IHO1: variants seen among roughly 807,000 people sequenced by gnomAD.
IHO1 encodes interactor of HORMAD1 1, also known as interactor of HORMAD1 protein 1.
Under a neutral mutation model 31.0 loss-of-function variants are expected in IHO1, and 13 were observed. That is an observed-to-expected ratio of 0.42 (90% CI 0.27 to 0.67). The LOEUF is 0.67. IHO1 is among the 30% of genes least tolerant of loss of function. IHO1 has a pLI of 0.24. For missense variants in IHO1, 599 were observed against 687.5 expected (o/e 0.87, Z 1.44); for synonymous variants, 221 against 248.4 (o/e 0.89, Z 1.04).
chr3:49,252,976 G>C (rs572307013), intron 6 of IHO1, among the ~76,000 whole-genome samples: 6 of 151,778 alleles, frequency 4.0e-5, no homozygotes, highest in Non-Finnish European at 7.4e-5. Context: ...CAGAGGCAGA[G>C]GTTGCAGTGA....
At chr3:49,191,877 G>T in the IHO1 span, 2 of 1,110,954 alleles carry the variant, frequency 1.8e-6, no homozygotes, top group South Asian at 1.3e-5. Context: ...TTAGTGACAA[G>T]GGAAGGTTGT....
At chr3:49,229,282 G>C (rs1303127010) in intron 2 of IHO1, among the ~76,000 whole-genome samples, 2 of 152,222 alleles carry the variant, frequency 1.3e-5, no homozygotes, top group African/African-American at 4.8e-5. Flanking sequence ...AAAGCTGTGA[G>C]CCTTCTGCCT....
chr3:49,256,145 G>T lies in IHO1; in HGVS notation c.648G>T (p.Glu216Asp). 1 of 1,609,210 alleles carries T rather than the reference G, an allele frequency of 6.2e-7. No individual in the cohort carries two copies. Reference protein sequence around the residue: ...MKKRFEARQGEFIEMKSNLKH... With the variant: ...MKKRFEARQGDFIEMKSNLKH... ...GCCTCTCTCCCCAGAGACAAGGAGA[G>T]TTTATAGAAATGAAGTCCAACCTGA... The change falls in exon 8 of 8, where the codon GAG becomes GAT. Residue 216 changes from glutamate (E) to aspartate (D), a missense_variant. Physicochemically the swap from Glu to Asp is conservative, Grantham distance 45. Coordinates refer to ENST00000452691, the MANE Select transcript of IHO1 (RefSeq NM_001135197.2). The surrounding 1 kb of genome is among the most constrained non-coding windows in gnomAD (Gnocchi z 4.6).
intron 2 of IHO1, 42 bp downstream of exon 2, chr3:49,211,878 T>C (rs2046221254): frequency 8.3e-7 from 1 of 1,210,640 alleles, no homozygotes; most frequent in Admixed American, 1.7e-5. Flanking sequence ...AAGAGGATTT[T>C]CTGGCCGGGC....
intron 2 of IHO1, among the ~76,000 whole-genome samples, chr3:49,224,047 C>T (rs1195475462): frequency 6.6e-6 from 1 of 152,090 alleles, no homozygotes; most frequent in Non-Finnish European, 1.5e-5. Context: ...GGGATTTGGC[C>T]ATTTGATGAG....
intron 2 of IHO1, among the ~76,000 whole-genome samples, chr3:49,218,685 T>G (rs913160460): frequency 6.6e-6 from 1 of 152,126 alleles, no homozygotes; most frequent in Admixed American, 6.5e-5. Context: ...TGGCTGCAGT[T>G]ATACCTTTTT....
intron 1 of IHO1, among the ~76,000 whole-genome samples, chr3:49,201,468 CA>C (rs1428511024): frequency 1.3e-5 from 2 of 151,908 alleles, no homozygotes; most frequent in African/African-American, 4.8e-5. Context: ...ACTAAAAATA[CA>C]AAAATTAGCC....
At chr3:49,205,953 T>C (rs766338313) in intron 1 of IHO1, among the ~76,000 whole-genome samples, 4 of 150,808 alleles carry the variant, frequency 2.7e-5, no homozygotes, top group Non-Finnish European at 4.4e-5. Context: ...TATTTTTTTT[T>C]CTTTTCTTTC....
chr3:49,197,139 G>A (rs2046003498), upstream of IHO1, among the ~76,000 whole-genome samples: 1 of 131,728 alleles, frequency 7.6e-6, no homozygotes, highest in South Asian at 3.0e-4. Flanking sequence ...TGCCACCACA[G>A]CCGGCTAATT....
At chr3:49,254,387 G>C (rs1194070905) in intron 6 of IHO1, among the ~76,000 whole-genome samples, 1 of 152,062 alleles carries the variant, frequency 6.6e-6, no homozygotes, top group African/African-American at 2.4e-5. Flanking sequence ...AAGTCTATTT[G>C]GGTCCAAGTG....
rs527238378 is a variant in IHO1, at chr3:49,201,601, C to T, written c.-16+2028C>T. Reference sequence around the variant, plus strand: ...TCGCGCCACTCCACTCCAGGCTGGTCGACAAAGCGAGACTGCATCCCAAAA... The same window carrying T: ...TCGCGCCACTCCACTCCAGGCTGGTTGACAAAGCGAGACTGCATCCCAAAA... On this transcript the variant is annotated intron_variant, in intron 1 of 7. Transcript: ENST00000452691. Among the ~76,000 whole-genome samples the T allele has an allele frequency of 8.6e-5, 13 of 151,390 alleles. No homozygotes were observed. The South Asian group carries it at 1.7e-3, about 20-fold the overall frequency.
intron 7 of IHO1, 152 bp from the exon 8 acceptor site, chr3:49,255,982 A>C (rs1356765045): frequency 1.5e-6 from 1 of 672,720 alleles, no homozygotes; most frequent in Non-Finnish European, 2.5e-6. Context: ...CAGGGGTTCA[A>C]CTCCCGAGTG....
At chr3:49,196,532 G>A (rs1314215900), upstream of IHO1, among the ~76,000 whole-genome samples, 1 of 150,412 alleles carries the variant, frequency 6.6e-6, no homozygotes, top group Non-Finnish European at 1.5e-5. Flanking sequence ...GCCCAGGCTG[G>A]AGTGCAATGG....
intron 3 of IHO1, among the ~76,000 whole-genome samples, chr3:49,239,524 C>T (rs1041466604): frequency 6.6e-6 from 1 of 152,168 alleles, no homozygotes; most frequent in Non-Finnish European, 1.5e-5. Context: ...TCATGACCCA[C>T]CTGCCTCAGC....
intron 6 of IHO1, among the ~76,000 whole-genome samples, chr3:49,254,936 C>T (rs1237519107): frequency 1.3e-5 from 2 of 151,862 alleles, no homozygotes; most frequent in African/African-American, 4.8e-5. Flanking sequence ...TGGTGGCATG[C>T]GCATGTAATC....
intron 3 of IHO1, among the ~76,000 whole-genome samples, chr3:49,239,128 T>C (rs2046595298): frequency 6.6e-6 from 1 of 151,662 alleles, no homozygotes; most frequent in African/African-American, 2.4e-5. Context: ...CCTGCCCCCA[T>C]GCCCAGCTAA....
At chr3:49,230,796 A>G (rs1323124334) in intron 2 of IHO1, among the ~76,000 whole-genome samples, 1 of 152,206 alleles carries the variant, frequency 6.6e-6, no homozygotes, top group Non-Finnish European at 1.5e-5. Flanking sequence ...TTGAAAACAT[A>G]AAATGACTTT....
intron 2 of IHO1, among the ~76,000 whole-genome samples, chr3:49,234,515 C>T (rs1242740298): frequency 2.0e-5 from 3 of 151,980 alleles, no homozygotes; most frequent in Admixed American, 6.6e-5. Flanking sequence ...CCAATCCTAT[C>T]ATAAGAACCC....
intron 2 of IHO1, among the ~76,000 whole-genome samples, chr3:49,235,852 C>G (rs1210615497): frequency 1.3e-5 from 2 of 151,426 alleles, no homozygotes; most frequent in African/African-American, 4.9e-5. Context: ...ATGGCTTGAA[C>G]CCGGGAGGTG....
Sources: gnomAD v4.1 joint callset for allele counts (sites outside exome capture counted in the v4.1 genomes callset) on GRCh38, gnomAD v4.1.1 for gene constraint, Gnocchi (gnomAD v3.1) non-coding constraint, MANE v1.5 for transcripts, NCBI Gene and HGNC (gene_info 2026-07-23, HGNC 2026-07-21) for gene names.